Variants in PFKP observed in about 807,000 individuals in gnomAD.
PFKP encodes ATP-dependent 6-phosphofructokinase, platelet type.
In PFKP, 101 loss-of-function variants were observed where a neutral mutation model predicts 94.3. That is an observed-to-expected ratio of 1.07 (90% CI 0.91 to 1.26). PFKP has a LOEUF of 1.26. Ranked by LOEUF, PFKP falls within the 50% of genes most tolerant of loss-of-function variation. PFKP has a pLI of 0.00. For missense variants in PFKP, 1,145 were observed against 1,103.3 expected, an observed-to-expected ratio of 1.04 and a Z score of -0.53; for synonymous variants, 573 against 432.6, an observed-to-expected ratio of 1.32 and a Z score of -4.03.
chr10:3,116,685 T>C, intron 13 of PFKP, 91 bp from the exon 14 acceptor site: 1 of 925,814 alleles, frequency 1.1e-6, no homozygotes. Flanking sequence ...GGAATGCAGC[T>C]TGTTGAAAAG....
intron 2 of PFKP, among the ~76,000 whole-genome samples, chr10:3,091,772 C>T (rs957263771): frequency 4.6e-5 from 7 of 151,934 alleles, no homozygotes; most frequent in African/African-American, 1.5e-4. Flanking sequence ...GGTGACAGAG[C>T]GAGACTGTGT....
intron 16 of PFKP, among the ~76,000 whole-genome samples, chr10:3,122,017 TCCC>T (rs1837482803): frequency 6.6e-6 from 1 of 151,910 alleles, no homozygotes; most frequent in African/African-American, 2.4e-5. Flanking sequence ...AGACGGGGTC[TCCC>T]TGTGTTGCCC....
intron 5 of PFKP, 107 bp downstream of exon 5, chr10:3,104,051 C>A: frequency 2.0e-6 from 2 of 998,984 alleles, no homozygotes; most frequent in Non-Finnish European, 2.9e-6. Flanking sequence ...TGTCCTGGTG[C>A]TGGTCTCGTA....
chr10:3,092,346 A>G (rs1258038426), intron 2 of PFKP, among the ~76,000 whole-genome samples: 2 of 152,198 alleles, frequency 1.3e-5, no homozygotes, highest in Non-Finnish European at 2.9e-5. Flanking sequence ...TCGTGGAGGT[A>G]GAGAGGAGGA....
At chr10:3,134,707 G>A (rs188100784) in intron 20 of PFKP, 125 bp downstream of exon 20, 19 of 631,308 alleles carry the variant, frequency 3.0e-5, no homozygotes, top group East Asian at 1.8e-4. Context: ...TGAGCTGCAC[G>A]TGATGTTTTA....
At chr10:3,111,429 G>A (rs917509601) in intron 10 of PFKP, among the ~76,000 whole-genome samples, 5 of 152,136 alleles carry the variant, frequency 3.3e-5, no homozygotes, top group African/African-American at 4.8e-5. Context: ...CATGCGGTAC[G>A]TGTATTTTGA....
At chr10:3,078,423 G>A (rs182607220) in intron 1 of PFKP, among the ~76,000 whole-genome samples, 21 of 152,246 alleles carry the variant, frequency 1.4e-4, no homozygotes, top group African/African-American at 4.3e-4. Flanking sequence ...CATCTTGCAG[G>A]GCCCAGCAGG....
Position 3,129,901 on chromosome 10 carries a change from A to G in PFKP, c.1766A>G (p.Tyr589Cys), listed in dbSNP as rs1838377036. ...IIETMGGYCGYLANMGGLAAG... is the reference protein window; with the variant it reads ...IIETMGGYCGCLANMGGLAAG... The stretch of plus-strand genomic sequence containing the variant: ...GAGACCATGGGCGGCTACTGTGGCT[A>G]CCTGGCCAACATGGGGGGGCTCGCG... The change falls in exon 17 of 22, where the codon TAC becomes TGC. Residue 589 changes from tyrosine (Y) to cysteine (C), a missense_variant. By Grantham distance (194) the Tyr-to-Cys change is radical (BLOSUM62 -2). This residue lies in a region of PFKP where 1,119 missense variants were observed against 1,062.8 expected (regional missense o/e 1.05). Coordinates refer to ENST00000381125, the MANE Select transcript of PFKP (RefSeq NM_002627.5). The G allele has an allele frequency of 1.2e-6, 2 of 1,613,024 alleles. No homozygotes were observed. Among genetic ancestry groups the G allele is most frequent in the African/African-American group, 1.3e-5 (1 of 74,908 alleles).
At chr10:3,128,613 G>A (rs979030483) in intron 16 of PFKP, among the ~76,000 whole-genome samples, 5 of 147,308 alleles carry the variant, frequency 3.4e-5, no homozygotes, top group African/African-American at 1.0e-4. Flanking sequence ...GGCCTTGCAC[G>A]CCTTGTACGC....
At chr10:3,133,460 T>G (rs1377448768) in intron 19 of PFKP, 146 bp downstream of exon 19, 1 of 634,590 alleles carries the variant, frequency 1.6e-6, no homozygotes, top group Non-Finnish European at 2.8e-6. Context: ...AGACAGAGTC[T>G]TGCTCTGTTG....
chr10:3,130,189 T>A (rs139657802), intron 17 of PFKP, among the ~76,000 whole-genome samples: 2,197 of 151,938 alleles, frequency 0.014, 50 homozygotes, highest in African/African-American at 0.048. Context: ...TGAGGACACC[T>A]TCTAGTCTCA....
At chr10:3,099,753 C>T (rs1319755301) in intron 3 of PFKP, among the ~76,000 whole-genome samples, 2 of 152,090 alleles carry the variant, frequency 1.3e-5, no homozygotes, top group East Asian at 3.9e-4. Context: ...TGAATTCACA[C>T]AGGGGAGCGT....
rs1588576448 is a variant in PFKP at position 3,132,458 on chromosome 10, A to C, written c.1910+17A>C. 2 of 1,578,492 alleles carry C rather than the reference A, an allele frequency of 1.3e-6. No individual in the cohort carries two copies. Among genetic ancestry groups the C allele is most frequent in the Admixed American group, 1.7e-5 (1 of 59,952 alleles). ...TGTGCTCAGGTGAGAGAGAGAGACC[A>C]GGGGCTGATCTTACCCTCACCGCCA... On this transcript the variant is annotated intron_variant, in intron 18 of 21. Transcript: ENST00000381125.
chr10:3,081,977 C>CTTTTTTTTTTTTTTTT lies in PFKP; in HGVS notation c.113-394_113-379dup, dbSNP rs547880338. Among the ~76,000 whole-genome samples the CTTTTTTTTTTTTTTTT allele has an allele frequency of 2.6e-4, 18 of 68,432 alleles. 1 individual carries two copies. Among genetic ancestry groups the CTTTTTTTTTTTTTTTT allele is most frequent in the Non-Finnish European group, 4.1e-4 (16 of 39,300 alleles). The allele number at this position is 68,432 out of a possible 152,430, so 44.9% of individuals were successfully genotyped here. On this transcript the variant is annotated intron_variant, in intron 1 of 21. Coordinates refer to ENST00000381125, the MANE Select transcript of PFKP (RefSeq NM_002627.5). ...CTTGTTTTCTGTTGAAGCCCATTGC[C>CTTTTTTTTTTTTTTTT]TTTTTTTTTTTTTTTTTTTTTTTTT...
chr10:3,131,004 G>GT (rs758967593), intron 17 of PFKP, among the ~76,000 whole-genome samples: 3 of 152,162 alleles, frequency 2.0e-5, no homozygotes, highest in Non-Finnish European at 4.4e-5. Context: ...GCATCATGAT[G>GT]TTTCTGTCAA....
intron 13 of PFKP, among the ~76,000 whole-genome samples, chr10:3,114,394 C>T (rs893561392): frequency 6.6e-6 from 1 of 152,204 alleles, no homozygotes; most frequent in Non-Finnish European, 1.5e-5. Flanking sequence ...AGGTGACCCA[C>T]CCACCTTGGC....
At position 3,136,659 on chromosome 10, in the gene PFKP, A is replaced by C; in HGVS notation, c.*80A>C. ...ACTTAAGTTATTTTATCAGCACTTT[A>C]TGCACGTATTATTGACATTAATACC... is the stretch of plus-strand genomic sequence containing the variant. On this transcript the variant is annotated 3_prime_UTR_variant, in exon 22 of 22. Coordinates refer to ENST00000381125, the MANE Select transcript of PFKP (RefSeq NM_002627.5). The C allele has an allele frequency of 5.4e-6, 8 of 1,484,700 alleles. No homozygotes were observed. Among genetic ancestry groups the C allele is most frequent in the Non-Finnish European group, 7.4e-6 (8 of 1,080,652 alleles). 92.0% of individuals were successfully genotyped at this position (1,484,700 alleles called of 1,614,324 possible). A position where few individuals can be genotyped will look rare whatever the true frequency, so the allele number is the denominator to read the frequency against.
intron 1 of PFKP, among the ~76,000 whole-genome samples, chr10:3,075,795 C>G (rs977360701): frequency 6.7e-6 from 1 of 149,906 alleles, no homozygotes; most frequent in African/African-American, 2.5e-5. Context: ...GTCCCAGCCC[C>G]GTGGGAGATT....
At position 3,102,460 on chromosome 10, in the gene PFKP, C is replaced by A. The variant is rs143496193; in HGVS notation, c.454+906C>A. 4.2e-3 allele frequency among the ~76,000 whole-genome samples: 631 copies of A among 151,872 alleles called. 11 individuals are homozygous for A. Among genetic ancestry groups the A allele is most frequent in the African/African-American group, 0.015 (604 of 41,440 alleles). On this transcript the variant is annotated intron_variant, in intron 4 of 21. Coordinates refer to ENST00000381125, the MANE Select transcript of PFKP (RefSeq NM_002627.5). ...ACAGAGTCTTTCTCCATTGCCCAGGCTGGAGTGCAGTGGCACGATCTCGGC... is the reference window on the plus strand; with the variant it reads ...ACAGAGTCTTTCTCCATTGCCCAGGATGGAGTGCAGTGGCACGATCTCGGC...
Sources: allele counts gnomAD v4.1 joint callset (sites outside exome capture counted in the v4.1 genomes callset), GRCh38; gene constraint gnomAD v4.1.1; regional missense constraint gnomAD v4.1.1; transcripts MANE v1.5; gene names NCBI Gene and HGNC (gene_info 2026-07-23, HGNC 2026-07-21).